OSBPL8: variants seen among roughly 807,000 people sequenced by gnomAD.
OSBPL8 encodes oxysterol-binding protein-related protein 8.
OSBPL8 carries 59 observed loss-of-function variants against 125.5 expected under a neutral mutation model. That is an observed-to-expected ratio of 0.47 (90% CI 0.38 to 0.58). The LOEUF (loss-of-function observed/expected upper bound fraction) is 0.58. Among genes scored for constraint, OSBPL8 ranks in the 20% least tolerant of loss-of-function variants. The pLI, the probability that OSBPL8 is intolerant of heterozygous loss-of-function variation, is 0.00. For synonymous variants in OSBPL8, 330 were observed against 338.9 expected, an observed-to-expected ratio of 0.97 and a Z score of 0.29; for missense variants, 758 against 1,047.8, an observed-to-expected ratio of 0.72 and a Z score of 3.82.
chr12:76,377,695 G>A (rs116463630), intron 16 of OSBPL8, among the ~76,000 whole-genome samples: 317 of 152,196 alleles, frequency 2.1e-3, no homozygotes, highest in African/African-American at 7.1e-3. Flanking sequence ...TTAAGAAACC[G>A]GTTGGAAGGG....
At chr12:76,486,458 T>TA (rs1878142995) in intron 2 of OSBPL8, among the ~76,000 whole-genome samples, 1 of 152,208 alleles carries the variant, frequency 6.6e-6, no homozygotes, top group Non-Finnish European at 1.5e-5. Context: ...AGGGGGCACC[T>TA]TTACTTTAGG....
At chr12:76,522,541 C>T (rs1402442718) in intron 1 of OSBPL8, among the ~76,000 whole-genome samples, 1 of 152,048 alleles carries the variant, frequency 6.6e-6, no homozygotes, top group East Asian at 1.9e-4. Context: ...AGTCAGTTCC[C>T]AGTAAAGTGG....
At chr12:76,522,062 G>T (rs1186483397) in intron 1 of OSBPL8, among the ~76,000 whole-genome samples, 2 of 152,068 alleles carry the variant, frequency 1.3e-5, no homozygotes, top group African/African-American at 4.8e-5. Flanking sequence ...ACAACAAATT[G>T]GTCTGGTGAC....
At chr12:76,467,919 C>T (rs1285178566) in intron 2 of OSBPL8, among the ~76,000 whole-genome samples, 1 of 152,158 alleles carries the variant, frequency 6.6e-6, no homozygotes, top group Non-Finnish European at 1.5e-5. Flanking sequence ...CCAACATTAC[C>T]CATTCTTCAG....
intron 21 of OSBPL8, among the ~76,000 whole-genome samples, chr12:76,368,105 T>A (rs751588881): frequency 6.6e-6 from 1 of 152,198 alleles, no homozygotes; most frequent in Non-Finnish European, 1.5e-5. Flanking sequence ...GCAGGTCTAG[T>A]GGTAATGAAC....
At chr12:76,447,222 C>T (rs1324077201) in intron 4 of OSBPL8, among the ~76,000 whole-genome samples, 2 of 152,186 alleles carry the variant, frequency 1.3e-5, no homozygotes, top group South Asian at 2.1e-4. Flanking sequence ...TTTATCTTCA[C>T]TTTCAAGTCA....
intron 4 of OSBPL8, among the ~76,000 whole-genome samples, chr12:76,435,303 A>C (rs1014563142): frequency 6.6e-6 from 1 of 152,164 alleles, no homozygotes; most frequent in Admixed American, 6.5e-5. Context: ...CAGACATGGA[A>C]AGACAAATAC....
rs372268437 is a variant in OSBPL8, at chr12:76,475,748, A to G, written c.42+11762T>C. Among the ~76,000 whole-genome samples the G allele has an allele frequency of 7.6e-4, 116 of 152,288 alleles. 2 individuals are homozygous for G. Among genetic ancestry groups the G allele is most frequent in the African/African-American group, 2.6e-3 (106 of 41,554 alleles). On this transcript the variant is annotated intron_variant, in intron 2 of 23. Transcript: ENST00000261183. ...AAAGTGGAGTATCACAGATAAAGGAAAGGCCAGGAGAAGGGAACAGGAGGA... is the reference window on the plus strand; with the variant it reads ...AAAGTGGAGTATCACAGATAAAGGAGAGGCCAGGAGAAGGGAACAGGAGGA...
chr12:76,525,077 A>G (rs1950134267), intron 1 of OSBPL8, among the ~76,000 whole-genome samples: 1 of 152,156 alleles, frequency 6.6e-6, no homozygotes, highest in Non-Finnish European at 1.5e-5. Context: ...ACAAACTGCA[A>G]AGGGGGGTAA....
chr12:76,396,999 G>GAGAC (rs1425307553), intron 8 of OSBPL8, among the ~76,000 whole-genome samples: 3 of 151,740 alleles, frequency 2.0e-5, no homozygotes, highest in Non-Finnish European at 4.4e-5. Flanking sequence ...ATTTTTTGCA[G>GAGAC]AGACAGGGTT....
intron 1 of OSBPL8, among the ~76,000 whole-genome samples, chr12:76,499,936 T>C (rs1879728501): frequency 6.6e-6 from 1 of 152,122 alleles, no homozygotes; most frequent in African/African-American, 2.4e-5. Context: ...CCCTTTTCTG[T>C]TCTAGTTGCC....
intron 1 of OSBPL8, among the ~76,000 whole-genome samples, chr12:76,515,894 AC>A (rs1447809166): frequency 1.3e-5 from 2 of 151,406 alleles, no homozygotes; most frequent in South Asian, 4.2e-4. Context: ...CATCTTGGTG[AC>A]CCCCCCACTC....
At chr12:76,400,349 T>C (rs1049080470) in intron 6 of OSBPL8, among the ~76,000 whole-genome samples, 2 of 152,244 alleles carry the variant, frequency 1.3e-5, no homozygotes, top group African/African-American at 2.4e-5. Context: ...TTCTTTATTA[T>C]GGCCACATAG....
At chr12:76,388,897 G>A (rs568364973) in intron 12 of OSBPL8, among the ~76,000 whole-genome samples, 4 of 152,140 alleles carry the variant, frequency 2.6e-5, no homozygotes, top group East Asian at 1.9e-4. Flanking sequence ...GACAAAAACC[G>A]AAAATAAGTC....
At chr12:76,513,550 G>A (rs942641984) in intron 1 of OSBPL8, among the ~76,000 whole-genome samples, 18 of 152,044 alleles carry the variant, frequency 1.2e-4, no homozygotes, top group Non-Finnish European at 1.8e-4. Context: ...ATTATCGTGC[G>A]GGAGTTTACA....
chr12:76,538,054 T>A (rs572139622), intron 1 of OSBPL8: 1 of 152,218 alleles, frequency 6.6e-6, no homozygotes, highest in Admixed American at 6.5e-5. Flanking sequence ...TGTTATATAG[T>A]GGCAGTCAGC....
intron 16 of OSBPL8, among the ~76,000 whole-genome samples, chr12:76,376,964 C>T (rs1330578113): frequency 1.3e-5 from 2 of 152,142 alleles, no homozygotes; most frequent in Non-Finnish European, 2.9e-5. Context: ...TATGATGTTC[C>T]CCTCCCTGTG....
chr12:76,448,198 C>T (rs1011371320), intron 4 of OSBPL8, among the ~76,000 whole-genome samples: 2 of 150,444 alleles, frequency 1.3e-5, no homozygotes, highest in East Asian at 3.9e-4. Flanking sequence ...ATGAAACAAA[C>T]AAAACAAAAG....
intron 15 of OSBPL8, among the ~76,000 whole-genome samples, chr12:76,381,286 T>C (rs1953039072): frequency 6.6e-6 from 1 of 152,186 alleles, no homozygotes; most frequent in Non-Finnish European, 1.5e-5. Context: ...CTTCTTCTAT[T>C]TTATGCCAAA....
Sources: allele counts gnomAD v4.1 joint callset (sites outside exome capture counted in the v4.1 genomes callset), GRCh38; gene constraint gnomAD v4.1.1; transcripts MANE v1.5; gene names NCBI Gene and HGNC (gene_info 2026-07-23, HGNC 2026-07-21).